Variants in OSBPL3 observed in about 807,000 individuals in gnomAD.
OSBPL3 encodes the protein oxysterol-binding protein-related protein 3.
OSBPL3 carries 65 observed loss-of-function variants against 120.1 expected under a neutral mutation model. That is an observed-to-expected ratio of 0.54 (90% confidence interval 0.44 to 0.67). The LOEUF is 0.67. OSBPL3 is among the 30% of genes least tolerant of loss of function. The probability of loss-of-function intolerance (pLI) is 0.00; values close to 1 mark genes in which losing one functional copy is unlikely to be tolerated. For synonymous variants in OSBPL3, 416 were observed against 402.6 expected, an observed-to-expected ratio of 1.03 and a Z score of -0.40; for missense variants, 1,004 against 1,082.1, an observed-to-expected ratio of 0.93 and a Z score of 1.01.
At chr7:24,874,955 G>A (rs892635125) in intron 2 of OSBPL3, among the ~76,000 whole-genome samples, 4 of 152,154 alleles carry the variant, frequency 2.6e-5, no homozygotes, top group Non-Finnish European at 5.9e-5. Context: ...CGGGGACACT[G>A]TGGAATCCTG....
chr7:24,933,686 T>C lies in OSBPL3; in HGVS notation c.-149-41065A>G, dbSNP rs1192539547. Among the ~76,000 whole-genome samples, 2 of 152,254 alleles carry C rather than the reference T, an allele frequency of 1.3e-5. No individual in the cohort carries two copies. Among genetic ancestry groups the C allele is most frequent in the Non-Finnish European group, 1.5e-5 (1 of 68,034 alleles). ...TTGCATTTCTATCATTTATTTATCT[T>C]AAACTCCAGTTGAGGCAAGTATTTG... On this transcript the variant is annotated intron_variant, in intron 1 of 22. Coordinates refer to ENST00000313367, the MANE Select transcript of OSBPL3 (RefSeq NM_015550.4). The surrounding 1 kb of genome is among the most constrained non-coding windows in gnomAD (Gnocchi z 5.1).
At chr7:24,957,654 G>A (rs902615093) in intron 1 of OSBPL3, among the ~76,000 whole-genome samples, 7 of 152,150 alleles carry the variant, frequency 4.6e-5, no homozygotes, top group African/African-American at 1.7e-4. Flanking sequence ...TTAAATTCCT[G>A]AGTCTCAACT....
At chr7:24,886,754 C>T (rs550355286) in intron 2 of OSBPL3, among the ~76,000 whole-genome samples, 2 of 152,286 alleles carry the variant, frequency 1.3e-5, no homozygotes, top group South Asian at 4.1e-4. Context: ...TGGTATTAGC[C>T]AAGCTCAAGG....
rs1795218560 is a variant in OSBPL3 at position 24,822,270 on chromosome 7, A to C, written c.1885-2032T>G. On this transcript the variant is annotated intron_variant, in intron 16 of 22. Transcript: ENST00000313367. The surrounding 1 kb of genome is among the most constrained non-coding windows in gnomAD (Gnocchi z 5.8). ...TCACTAGCTGTCTTTCGATGAAAAC[A>C]ACGGAGCTAGCTTTGAAACCATGGG... 6.6e-6 allele frequency among the ~76,000 whole-genome samples: 1 copy of C among 152,318 alleles called. No individual in the cohort carries two copies.
At chr7:24,909,599 T>A (rs911732429) in intron 1 of OSBPL3, among the ~76,000 whole-genome samples, 2 of 152,102 alleles carry the variant, frequency 1.3e-5, no homozygotes, top group African/African-American at 2.4e-5. Context: ...CAAATAACAT[T>A]GGCCCTAAGA....
At chr7:24,885,415 G>C (rs75837195) in intron 2 of OSBPL3, among the ~76,000 whole-genome samples, 4,989 of 152,048 alleles carry the variant, frequency 0.033, 145 homozygotes, top group African/African-American at 0.067. Flanking sequence ...TCTGGAGTGC[G>C]GCATAATCTA....
intron 14 of OSBPL3, among the ~76,000 whole-genome samples, chr7:24,836,096 G>A (rs1054458400): frequency 3.9e-5 from 6 of 151,932 alleles, no homozygotes; most frequent in Admixed American, 2.0e-4. Flanking sequence ...TTTAAAGACT[G>A]TAAAATATTT....
intron 1 of OSBPL3, among the ~76,000 whole-genome samples, chr7:24,911,798 C>T (rs1357136316): frequency 2.0e-5 from 3 of 152,118 alleles, no homozygotes; most frequent in African/African-American, 7.2e-5. Context: ...AGAAAGATTA[C>T]TGCAAAAAAC....
chr7:24,846,561 T>A (rs151085304), intron 12 of OSBPL3, among the ~76,000 whole-genome samples: 1 of 152,340 alleles, frequency 6.6e-6, no homozygotes, highest in African/African-American at 2.4e-5. Flanking sequence ...TAGTATGGTG[T>A]TACCTCCCAA....
chr7:24,974,949 A>C (rs1258855110), intron 1 of OSBPL3, among the ~76,000 whole-genome samples: 1 of 152,188 alleles, frequency 6.6e-6, no homozygotes, highest in Non-Finnish European at 1.5e-5. Context: ...ATATACTAAA[A>C]TCCATTAAAT....
intron 16 of OSBPL3, among the ~76,000 whole-genome samples, chr7:24,826,535 G>A (rs1283190859): frequency 6.6e-6 from 1 of 152,128 alleles, no homozygotes; most frequent in African/African-American, 2.4e-5. Context: ...AGACCCCACA[G>A]AGAGTAAGGG....
intron 1 of OSBPL3, among the ~76,000 whole-genome samples, chr7:24,895,321 T>G (rs908580130): frequency 6.6e-6 from 1 of 152,244 alleles, no homozygotes; most frequent in African/African-American, 2.4e-5. Context: ...TTACATTGTG[T>G]TACTGCTGCC....
intron 1 of OSBPL3, among the ~76,000 whole-genome samples, chr7:24,923,184 A>G (rs761937393): frequency 1.3e-5 from 2 of 152,178 alleles, no homozygotes; most frequent in Non-Finnish European, 2.9e-5. Flanking sequence ...CCCACAGAGG[A>G]GCCCAAGCAT....
chr7:24,870,708 C>T (rs1448648763), intron 5 of OSBPL3, 24 bp downstream of exon 5: 2 of 1,395,998 alleles, frequency 1.4e-6, no homozygotes, highest in South Asian at 2.3e-5. Context: ...TAAGTGAACT[C>T]TGCACAGTGG....
chr7:24,812,740 C>G (rs1281615449), intron 19 of OSBPL3, among the ~76,000 whole-genome samples: 1 of 152,102 alleles, frequency 6.6e-6, no homozygotes, highest in Admixed American at 6.6e-5. Flanking sequence ...TCAGCTTCCG[C>G]ATTTCAAGGC....
At chr7:24,935,829 C>T (rs1812339055) in intron 1 of OSBPL3, among the ~76,000 whole-genome samples, 1 of 151,022 alleles carries the variant, frequency 6.6e-6, no homozygotes, top group African/African-American at 2.4e-5. Flanking sequence ...TTTAATAAAG[C>T]AGAGAAAAAG....
At position 24,912,304 on chromosome 7, in the gene OSBPL3, T is replaced by G. The variant is rs931204999; in HGVS notation, c.-149-19683A>C. Among the ~76,000 whole-genome samples the G allele has an allele frequency of 1.3e-5, 2 of 152,182 alleles. No homozygotes were observed. The highest frequency in any genetic ancestry group is 4.1e-4 in the South Asian group (2 of 4,830). ...GGAATTACAAATCAGAAAATGTAAG[T>G]CAAAATGTGGGATGTAAGTAATGTG... On this transcript the variant is annotated intron_variant, in intron 1 of 22. Transcript: ENST00000313367. The surrounding 1 kb of genome is among the most constrained non-coding windows in gnomAD (Gnocchi z 4.5).
intron 1 of OSBPL3, among the ~76,000 whole-genome samples, chr7:24,901,047 T>C (rs895940701): frequency 7.0e-6 from 1 of 142,370 alleles, no homozygotes; most frequent in Non-Finnish European, 1.5e-5. Flanking sequence ...GAGAGAGAGA[T>C]GGCCAGGTGT....
At chr7:24,836,651 T>A (rs1374478608) in intron 14 of OSBPL3, among the ~76,000 whole-genome samples, 2 of 152,096 alleles carry the variant, frequency 1.3e-5, no homozygotes, top group Non-Finnish European at 2.9e-5. Flanking sequence ...TATTTATATA[T>A]CAATAAACAT....
Sources: gnomAD v4.1 joint callset for allele counts (sites outside exome capture counted in the v4.1 genomes callset) on GRCh38, gnomAD v4.1.1 for gene constraint, Gnocchi (gnomAD v3.1) non-coding constraint, MANE v1.5 for transcripts, NCBI Gene and HGNC (gene_info 2026-07-23, HGNC 2026-07-21) for gene names.